Variants in QSOX2 observed in about 807,000 individuals in gnomAD.
QSOX2 encodes sulfhydryl oxidase 2.
A neutral mutation model predicts 61.7 loss-of-function variants in QSOX2; 46 were observed. That is an observed-to-expected ratio of 0.75 (90% CI 0.59 to 0.95). The LOEUF is 0.95. Ranked by LOEUF, QSOX2 falls within the 40% of genes least tolerant of loss-of-function variation. The probability of loss-of-function intolerance (pLI) is 0.00; values close to 1 mark genes in which losing one functional copy is unlikely to be tolerated. For missense variants in QSOX2, 879 were observed against 918.9 expected (o/e 0.96, Z 0.56); for synonymous variants, 383 against 388.4 (o/e 0.99, Z 0.16).
At chr9:136,233,704 G>A (rs897603529) in intron 1 of QSOX2, among the ~76,000 whole-genome samples, 2 of 152,224 alleles carry the variant, frequency 1.3e-5, no homozygotes. Context: ...TCCATGAGAC[G>A]AATCGTGCAG....
chr9:136,228,320 T>C (rs918878612), intron 1 of QSOX2, among the ~76,000 whole-genome samples: 9 of 152,200 alleles, frequency 5.9e-5, no homozygotes, highest in African/African-American at 2.2e-4. Flanking sequence ...CTGCCCTCAC[T>C]GCAACCCAGC....
intron 8 of QSOX2, 69 bp from the exon 9 acceptor site, chr9:136,216,791 C>T (rs767661321): frequency 6.4e-7 from 1 of 1,573,760 alleles, no homozygotes; most frequent in African/African-American, 1.3e-5. Context: ...GCGGGGGGCA[C>T]CGCACCTCCA....
chr9:136,225,251 T>G (rs902298080), intron 2 of QSOX2, among the ~76,000 whole-genome samples: 2 of 152,226 alleles, frequency 1.3e-5, no homozygotes, highest in Non-Finnish European at 2.9e-5. Flanking sequence ...TGGTTAGCTG[T>G]AGCGTTAGCT....
intron 1 of QSOX2, among the ~76,000 whole-genome samples, chr9:136,227,837 G>C (rs1305730088): frequency 6.6e-6 from 1 of 152,170 alleles, no homozygotes; most frequent in African/African-American, 2.4e-5. Context: ...AATTAGCTGG[G>C]CGTTGGTGGC....
chr9:136,233,918 A>G (rs147603552), intron 1 of QSOX2, among the ~76,000 whole-genome samples: 9 of 152,372 alleles, frequency 5.9e-5, no homozygotes, highest in South Asian at 2.1e-4. Context: ...AACCGTTTAG[A>G]GAAATAAAAA....
intron 1 of QSOX2, among the ~76,000 whole-genome samples, chr9:136,235,633 A>G (rs1347315831): frequency 6.6e-6 from 1 of 152,222 alleles, no homozygotes; most frequent in Non-Finnish European, 1.5e-5. Flanking sequence ...GTGAAGGAAG[A>G]CGGTGGCCAG....
Position 136,223,807 on chromosome 9 carries a change from C to T in QSOX2, c.631G>A (p.Val211Met), listed in dbSNP as rs376098174. 8.1e-6 allele frequency: 13 copies of T among 1,613,936 alleles called. No homozygotes were observed. Among genetic ancestry groups the T allele is most frequent in the South Asian group, 3.3e-5 (3 of 91,082 alleles). ...CTGTTGCTTTCAAAGACAATAGCCA[C>T]GTAATGGCTGCCACGGTTGTCAAGA... ...SLLDNRGSHY[V>M]AIVFESNSSY... is the part of the protein sequence containing the mutation. The change falls in exon 5 of 12, where the codon GTG becomes ATG. Residue 211 changes from valine (V) to methionine (M), a missense_variant. Val to Met is a conservative substitution (Grantham distance 21). Transcript: ENST00000358701. The surrounding 1 kb of genome is among the most constrained non-coding windows in gnomAD (Gnocchi z 4.4).
chr9:136,221,899 G>C lies in QSOX2; in HGVS notation c.718C>G (p.Arg240Gly). The change falls in exon 6 of 12, where the codon CGA (arginine) becomes GGA (glycine). Residue 240 changes from arginine (R) to glycine (G), a missense_variant. By Grantham distance (125) the Arg-to-Gly change is moderately radical (BLOSUM62 -2). Transcript: ENST00000358701. This position sits in a 1 kb window ranked among gnomAD's most constrained non-coding sequence, Gnocchi z 4.5. Reference sequence around the variant, plus strand: ...AATGCTTTGTCCCCGTCCAGTGCTCGGGTCACCACGATGCTTTCATACGGG... The same window carrying C: ...AATGCTTTGTCCCCGTCCAGTGCTCCGGTCACCACGATGCTTTCATACGGG... Reference protein sequence around the residue: ...LIPYESIVVTRALDGDKAFLE... With the variant: ...LIPYESIVVTGALDGDKAFLE... 1 of 1,611,264 alleles carries C rather than the reference G, an allele frequency of 6.2e-7. No individual in the cohort carries two copies. The highest frequency in any genetic ancestry group is 8.5e-7 in the Non-Finnish European group (1 of 1,178,750).
intron 8 of QSOX2, among the ~76,000 whole-genome samples, chr9:136,217,130 C>T (rs141294554): frequency 8.9e-4 from 136 of 152,370 alleles, no homozygotes; most frequent in Non-Finnish European, 1.7e-3. Context: ...CTGGGCTTCC[C>T]CTCTGCCGTC....
In QSOX2 at chr9:136,208,277, G is replaced by GGAGT. The variant is rs1831797120; in HGVS notation, c.*450_*451insACTC. The GGAGT allele has an allele frequency of 4.8e-5, 4 of 83,242 alleles. No individual in the cohort carries two copies. The highest frequency in any genetic ancestry group is 3.9e-4 in the Admixed American group (3 of 7,680). 5.2% of individuals were successfully genotyped at this position (83,242 alleles called of 1,614,324 possible). ...GGGGCGTGGGGGGAGCGGGGGGAGG[G>GGAGT]GGAGCGAGGGGAGTGGGGGGGAGCC... is the stretch of plus-strand genomic sequence containing the variant. On this transcript the variant is annotated 3_prime_UTR_variant, in exon 12 of 12. Coordinates refer to ENST00000358701, the MANE Select transcript of QSOX2 (RefSeq NM_181701.4).
intron 1 of QSOX2, among the ~76,000 whole-genome samples, chr9:136,229,826 G>A (rs560841832): frequency 6.6e-6 from 1 of 152,228 alleles, no homozygotes; most frequent in Non-Finnish European, 1.5e-5. Context: ...GCCCTCCTCT[G>A]GCCACCTCTC....
At position 136,209,782 on chromosome 9, in the gene QSOX2, G is replaced by A; in HGVS notation, c.1550-507C>T. Reference sequence around the variant, plus strand: ...GGTGCACCTTCAGGAAAGGGCAGAGGGGCAGCAATGAATTTCCACTGCACT... The same window carrying A: ...GGTGCACCTTCAGGAAAGGGCAGAGAGGCAGCAATGAATTTCCACTGCACT... On this transcript the variant is annotated intron_variant, in intron 11 of 11. Transcript: ENST00000358701. This position sits in a 1 kb window ranked among gnomAD's most constrained non-coding sequence, Gnocchi z 5.6. 2.0e-6 allele frequency: 2 copies of A among 985,180 alleles called. No homozygotes were observed. Among genetic ancestry groups the A allele is most frequent in the Non-Finnish European group, 2.4e-6 (2 of 829,852 alleles). The allele number at this position is 985,180 out of a possible 1,614,324, so 61.0% of individuals were successfully genotyped here. A position where few individuals can be genotyped will look rare whatever the true frequency, so the allele number is the denominator to read the frequency against.
intron 1 of QSOX2, among the ~76,000 whole-genome samples, chr9:136,236,046 T>TCAGGGC (rs1830378401): frequency 6.6e-6 from 1 of 152,064 alleles, no homozygotes; most frequent in Non-Finnish European, 1.5e-5. Flanking sequence ...GCAGTCAGGG[T>TCAGGGC]CAGGGCCAGG....
chr9:136,219,041 T>C lies in QSOX2; in HGVS notation c.945A>G (p.Arg315=), dbSNP rs1043545806. Residue 315 remains arginine (R), a synonymous_variant, in exon 7 of 12, where the codon AGA becomes AGG. Coordinates refer to ENST00000358701, the MANE Select transcript of QSOX2 (RefSeq NM_181701.4). ...KEENSEIVVW[R]EFDKSKLYTV... is the part of the protein sequence containing the mutation. ...AGAGGAACACTTGCTTGTCAAATTC[T>C]CTCCAAACCACGATTTCTGAATTTT... is the stretch of plus-strand genomic sequence containing the variant. 1 of 1,613,970 alleles carries C rather than the reference T, an allele frequency of 6.2e-7. No individual in the cohort carries two copies. Among genetic ancestry groups the C allele is most frequent in the African/African-American group, 1.3e-5 (1 of 74,926 alleles).
rs911564661 is a variant in QSOX2, at chr9:136,223,924, C to A, written c.585-71G>T. ...GAGTTGGCCACCACATCCCAGTGGC[C>A]ACATCACTTAATAGAAACCTATTAC... is the stretch of plus-strand genomic sequence containing the variant. On this transcript the variant is annotated intron_variant, in intron 4 of 11. Transcript: ENST00000358701. The surrounding 1 kb of genome is among the most constrained non-coding windows in gnomAD (Gnocchi z 4.4). 1.9e-6 allele frequency: 3 copies of A among 1,572,188 alleles called. No homozygotes were observed. Among genetic ancestry groups the A allele is most frequent in the Non-Finnish European group, 2.6e-6 (3 of 1,142,858 alleles).
chr9:136,224,452 G>A (rs1296343763), intron 3 of QSOX2, among the ~76,000 whole-genome samples: 4 of 151,994 alleles, frequency 2.6e-5, no homozygotes, highest in African/African-American at 9.7e-5. Context: ...AGGGCGCGGC[G>A]AGGAGCAGGC....
Position 136,223,840 on chromosome 9 carries a change from G to C in QSOX2, c.598C>G (p.Leu200Val). The change falls in exon 5 of 12, where the codon CTT (leucine) becomes GTT (valine). Residue 200 changes from leucine to valine, a missense_variant. Transcript: ENST00000358701. The surrounding 1 kb of genome is among the most constrained non-coding windows in gnomAD (Gnocchi z 4.4). ...RLDPIQPSDV[L>V]SLLDNRGSHY... ...CTGCCACGGTTGTCAAGAAGGGAAA[G>C]AACATCACTGGGCCTTTCAAGAGGA... The C allele has an allele frequency of 1.2e-6, 2 of 1,614,064 alleles. No individual in the cohort carries two copies. The highest frequency in any genetic ancestry group is 1.7e-6 in the Non-Finnish European group (2 of 1,180,008).
chr9:136,208,904 C>A lies in QSOX2; in HGVS notation c.1921G>T (p.Ala641Ser). 1 of 1,613,930 alleles carries A rather than the reference C, an allele frequency of 6.2e-7. No individual in the cohort carries two copies. Among genetic ancestry groups the A allele is most frequent in the Non-Finnish European group, 8.5e-7 (1 of 1,180,002 alleles). ...GKLQSLDGPG[A>S]HKEVGGAAPF... ...GCGGCCCCGCCCACCTCCTTGTGGG[C>A]CCCGGGCCCATCCAGACTCTGGAGT... The change falls in exon 12 of 12, where the codon GCC becomes TCC. Residue 641 changes from alanine to serine, a missense_variant. Ala to Ser is a moderately conservative substitution (Grantham distance 99). Transcript: ENST00000358701.
intron 1 of QSOX2, among the ~76,000 whole-genome samples, chr9:136,228,434 A>G (rs1324630804): frequency 6.6e-6 from 1 of 152,180 alleles, no homozygotes; most frequent in Admixed American, 6.5e-5. Context: ...TTTTTAAAAG[A>G]TTTGTGTTCT....
Sources: gnomAD v4.1 joint callset for allele counts (sites outside exome capture counted in the v4.1 genomes callset) on GRCh38, gnomAD v4.1.1 for gene constraint, Gnocchi (gnomAD v3.1) non-coding constraint, MANE v1.5 for transcripts, NCBI Gene and HGNC (gene_info 2026-07-23, HGNC 2026-07-21) for gene names.